Variants in SHANK2 observed in about 807,000 individuals in gnomAD.
SHANK2 encodes SH3 and multiple ankyrin repeat domains protein 2.
In SHANK2, 43 loss-of-function variants were observed where a neutral mutation model predicts 133.7. The ratio of observed to expected loss-of-function variants is 0.32; its 90% CI spans 0.25 to 0.41. The LOEUF is 0.41. Ranked by LOEUF, SHANK2 falls within the 10% of genes least tolerant of loss-of-function variation. SHANK2 has a pLI of 1.00. For synonymous variants in SHANK2, 1,017 were observed against 952.8 expected (o/e 1.07, Z -1.24); for missense variants, 1,994 against 2,235.8 (o/e 0.89, Z 2.18).
At chr11:70,690,557 C>T (rs895113706) in intron 15 of SHANK2, among the ~76,000 whole-genome samples, 7 of 112,568 alleles carry the variant, frequency 6.2e-5, no homozygotes, top group East Asian at 5.9e-4. Flanking sequence ...TGGGTTAAAG[C>T]GATTCTCCTG....
chr11:70,772,982 C>T (rs1947285932), intron 14 of SHANK2, among the ~76,000 whole-genome samples: 1 of 152,172 alleles, frequency 6.6e-6, no homozygotes, highest in Non-Finnish European at 1.5e-5. Flanking sequence ...TTTCCAGATC[C>T]AGCTGAAGAG....
At chr11:70,498,061 C>T (rs1430899714) in intron 21 of SHANK2, among the ~76,000 whole-genome samples, 1 of 152,244 alleles carries the variant, frequency 6.6e-6, no homozygotes, top group Non-Finnish European at 1.5e-5. Flanking sequence ...TCCACCTCTT[C>T]AGCTTTCCTG....
intron 14 of SHANK2, among the ~76,000 whole-genome samples, chr11:70,784,884 G>A (rs1565314185): frequency 6.6e-6 from 1 of 152,220 alleles, no homozygotes; most frequent in Non-Finnish European, 1.5e-5. Flanking sequence ...GGGGGCTGCT[G>A]TCCTGCCTCC....
intron 10 of SHANK2, chr11:70,948,285 T>C (rs1555085831): frequency 2.2e-6 from 1 of 457,248 alleles, no homozygotes; most frequent in South Asian, 1.5e-5. Flanking sequence ...GTTTCTCTGC[T>C]TACTTGTTAA....
intron 14 of SHANK2, among the ~76,000 whole-genome samples, chr11:70,723,402 C>G (rs1555029730): frequency 2.0e-5 from 3 of 151,718 alleles, no homozygotes; most frequent in Non-Finnish European, 4.4e-5. Context: ...CCTCTGGTTG[C>G]TGAGAGCAGT....
At chr11:70,841,900 G>A (rs1324282247) in intron 11 of SHANK2, among the ~76,000 whole-genome samples, 2 of 152,076 alleles carry the variant, frequency 1.3e-5, no homozygotes, top group African/African-American at 2.4e-5. Flanking sequence ...TACTGTCACC[G>A]ACCTGGGCAG....
intron 17 of SHANK2, among the ~76,000 whole-genome samples, chr11:70,574,645 C>T (rs2060092449): frequency 7.4e-6 from 1 of 135,220 alleles, no homozygotes; most frequent in Admixed American, 8.3e-5. Context: ...GCAGCCCTGG[C>T]TCCACCACGG....
chr11:70,600,770 A>AAC (rs1335882908), intron 17 of SHANK2, among the ~76,000 whole-genome samples: 2 of 152,158 alleles, frequency 1.3e-5, no homozygotes, highest in East Asian at 1.9e-4. Context: ...TGCCTCACAT[A>AAC]ACACACACAC....
In SHANK2 at chr11:70,537,494, G is replaced by A. The variant is rs571874722; in HGVS notation, c.2062-34563C>T. ...GAAGTCAGAGACAGGATGCAGCCAA[G>A]CCAAGGAACGCTGGGAGCCCCCAGA... On this transcript the variant is annotated intron_variant, in intron 17 of 25. Coordinates refer to ENST00000601538, the MANE Select transcript of SHANK2 (RefSeq NM_012309.5). Among the ~76,000 whole-genome samples the A allele has an allele frequency of 6.6e-5, 10 of 152,386 alleles. No individual in the cohort carries two copies. In the South Asian group the frequency reaches 8.3e-4, roughly 13 times the overall value.
At chr11:70,728,093 G>A (rs1235392184) in intron 14 of SHANK2, among the ~76,000 whole-genome samples, 1 of 152,196 alleles carries the variant, frequency 6.6e-6, no homozygotes, top group Non-Finnish European at 1.5e-5. Context: ...GAACAGGCAG[G>A]TGTATGCGGA....
intron 6 of SHANK2, among the ~76,000 whole-genome samples, chr11:71,096,439 C>A (rs1951614346): frequency 6.6e-6 from 1 of 152,164 alleles, no homozygotes; most frequent in Admixed American, 6.5e-5. Flanking sequence ...TGACCCCTGC[C>A]TGCTAGAGAG....
intron 2 of SHANK2, among the ~76,000 whole-genome samples, chr11:71,160,811 C>T (rs544843509): frequency 6.6e-6 from 1 of 152,310 alleles, no homozygotes; most frequent in East Asian, 1.9e-4. Flanking sequence ...AAAATCCCTG[C>T]TGGGTTATTT....
chr11:70,645,757 C>A (rs1202165621), intron 17 of SHANK2, among the ~76,000 whole-genome samples: 1 of 152,146 alleles, frequency 6.6e-6, no homozygotes, highest in African/African-American at 2.4e-5. Context: ...TGGGGCAAGG[C>A]AGAGTGCCCT....
intron 10 of SHANK2, among the ~76,000 whole-genome samples, chr11:70,943,329 C>T (rs1413056073): frequency 1.3e-5 from 2 of 152,144 alleles, no homozygotes; most frequent in Admixed American, 1.3e-4. Context: ...GGGAGGGCAC[C>T]TATGGAGCCC....
At chr11:70,502,735 G>GGGGGGGGGGC in intron 18 of SHANK2, 61 bp downstream of exon 18, 2 of 418,842 alleles carry the variant, frequency 4.8e-6, no homozygotes, top group Non-Finnish European at 7.5e-6. Flanking sequence ...TGTCCTGCCC[G>GGGGGGGGGGC]CCCCCACCCC....
At chr11:70,532,280 G>A (rs1474812623) in intron 17 of SHANK2, among the ~76,000 whole-genome samples, 3 of 152,132 alleles carry the variant, frequency 2.0e-5, no homozygotes, top group African/African-American at 7.2e-5. Flanking sequence ...GGACTGCCCT[G>A]GACAACTGTG....
chr11:70,730,898 T>G (rs1946277268), intron 14 of SHANK2, among the ~76,000 whole-genome samples: 1 of 151,742 alleles, frequency 6.6e-6, no homozygotes, highest in Non-Finnish European at 1.5e-5. Flanking sequence ...AAAATACAAT[T>G]TGTTGGCAGT....
chr11:70,838,979 G>A (rs1339018640), intron 11 of SHANK2, among the ~76,000 whole-genome samples: 2 of 152,164 alleles, frequency 1.3e-5, no homozygotes, highest in Non-Finnish European at 2.9e-5. Flanking sequence ...GTCTGCTTTT[G>A]GCCACTTGCC....
At chr11:71,159,143 A>G (rs1393393772) in intron 2 of SHANK2, among the ~76,000 whole-genome samples, 4 of 152,240 alleles carry the variant, frequency 2.6e-5, no homozygotes, top group Admixed American at 2.0e-4. Flanking sequence ...TGAGGTCAGA[A>G]GTCCTAAATG....
Sources: allele counts gnomAD v4.1 joint callset (sites outside exome capture counted in the v4.1 genomes callset), GRCh38; gene constraint gnomAD v4.1.1; transcripts MANE v1.5; gene names NCBI Gene and HGNC (gene_info 2026-07-23, HGNC 2026-07-21).